PCSK2: variants seen among roughly 807,000 people sequenced by gnomAD.
The protein encoded by PCSK2 is proprotein convertase subtilisin/kexin type 2.
In PCSK2, 14 loss-of-function variants were observed where a neutral mutation model predicts 69.7. The ratio of observed to expected loss-of-function variants is 0.20; its 90% CI spans 0.13 to 0.31. The LOEUF (loss-of-function observed/expected upper bound fraction) is 0.31. Ranked by LOEUF, PCSK2 falls within the 10% of genes least tolerant of loss-of-function variation. PCSK2 has a pLI of 1.00. For synonymous variants in PCSK2, 307 were observed against 320.7 expected (o/e 0.96, Z 0.46); for missense variants, 544 against 842.5 (o/e 0.65, Z 4.39).
intron 10 of PCSK2, among the ~76,000 whole-genome samples, chr20:17,462,955 G>T (rs774223176): frequency 6.8e-4 from 103 of 152,178 alleles, no homozygotes; most frequent in Non-Finnish European, 3.2e-4. Flanking sequence ...ATTGTAGTCT[G>T]TCAATTCCTA....
chr20:17,305,978 C>A (rs1239912989), intron 2 of PCSK2, among the ~76,000 whole-genome samples: 1 of 152,178 alleles, frequency 6.6e-6, no homozygotes, highest in Non-Finnish European at 1.5e-5. Flanking sequence ...CTTTTCTTAG[C>A]CTGACATTTT....
chr20:17,238,169 G>A (rs888573622), intron 1 of PCSK2, among the ~76,000 whole-genome samples: 2 of 152,140 alleles, frequency 1.3e-5, no homozygotes, highest in East Asian at 1.9e-4. Flanking sequence ...ATGAAGTGGA[G>A]GTACCAAATA....
At chr20:17,473,250 T>A (rs2033236791) in intron 11 of PCSK2, among the ~76,000 whole-genome samples, 1 of 152,048 alleles carries the variant, frequency 6.6e-6, no homozygotes. Flanking sequence ...CACACCACCA[T>A]GCCTGACTAA....
At chr20:17,450,650 G>C (rs1236643614) in intron 8 of PCSK2, among the ~76,000 whole-genome samples, 2 of 152,256 alleles carry the variant, frequency 1.3e-5, no homozygotes, top group Admixed American at 6.5e-5. Flanking sequence ...TCTTGCAAAG[G>C]CTCACTCTCT....
chr20:17,327,011 C>G (rs907561803), intron 2 of PCSK2, among the ~76,000 whole-genome samples: 1 of 152,218 alleles, frequency 6.6e-6, no homozygotes, highest in African/African-American at 2.4e-5. Flanking sequence ...TCTCATCCTC[C>G]CCCTTCTTCT....
chr20:17,333,410 C>A (rs1043031744), intron 2 of PCSK2, among the ~76,000 whole-genome samples: 1 of 152,136 alleles, frequency 6.6e-6, no homozygotes, highest in Admixed American at 6.5e-5. Flanking sequence ...GAATCTCATG[C>A]TTCATGCTCT....
intron 5 of PCSK2, among the ~76,000 whole-genome samples, chr20:17,402,956 CA>C (rs1026767768): frequency 1.5e-3 from 199 of 135,860 alleles, no homozygotes; most frequent in African/African-American, 3.9e-3. Flanking sequence ...GACTCCGTCT[CA>C]AAAAAAAAAA....
At chr20:17,323,119 C>G (rs575992403) in intron 2 of PCSK2, among the ~76,000 whole-genome samples, 2 of 152,302 alleles carry the variant, frequency 1.3e-5, no homozygotes, top group African/African-American at 2.4e-5. Flanking sequence ...CCCACCTCAG[C>G]CTTCCAAAAT....
chr20:17,385,940 A>C (rs1010634225), intron 5 of PCSK2, among the ~76,000 whole-genome samples: 1 of 152,252 alleles, frequency 6.6e-6, no homozygotes, highest in East Asian at 1.9e-4. Context: ...ACAATTTCCT[A>C]TACTTCTAAG....
intron 1 of PCSK2, among the ~76,000 whole-genome samples, chr20:17,258,319 T>G (rs1245880126): frequency 6.6e-6 from 1 of 152,244 alleles, no homozygotes; most frequent in East Asian, 1.9e-4. Context: ...CCCTTCGGGT[T>G]GCTGCAAACC....
intron 8 of PCSK2, among the ~76,000 whole-genome samples, chr20:17,450,680 G>A (rs1471701576): frequency 6.6e-6 from 1 of 152,132 alleles, no homozygotes; most frequent in African/African-American, 2.4e-5. Context: ...ATGGTGCCTT[G>A]TTGCTGTATC....
At chr20:17,451,881 C>A (rs2032828866) in intron 8 of PCSK2, among the ~76,000 whole-genome samples, 3 of 151,484 alleles carry the variant, frequency 2.0e-5, no homozygotes. Context: ...ACCTCACTCA[C>A]CCATTTATTG....
chr20:17,373,388 G>A (rs2030831627), intron 5 of PCSK2, among the ~76,000 whole-genome samples: 1 of 152,150 alleles, frequency 6.6e-6, no homozygotes, highest in Admixed American at 6.5e-5. Flanking sequence ...TCAGTCATTG[G>A]TTGAGGGCTT....
intron 2 of PCSK2, among the ~76,000 whole-genome samples, chr20:17,270,943 G>A (rs1987841051): frequency 6.6e-6 from 1 of 152,056 alleles, no homozygotes; most frequent in South Asian, 2.1e-4. Flanking sequence ...CATGAGGAGT[G>A]TGGACTAGTT....
intron 7 of PCSK2, among the ~76,000 whole-genome samples, chr20:17,430,973 T>G (rs1371200959): frequency 6.6e-6 from 1 of 152,202 alleles, no homozygotes; most frequent in African/African-American, 2.4e-5. Context: ...TTTCCTCTTC[T>G]CTTATTATTT....
intron 1 of PCSK2, among the ~76,000 whole-genome samples, chr20:17,239,698 T>C (rs535892200): frequency 1.3e-5 from 2 of 151,488 alleles, no homozygotes; most frequent in African/African-American, 2.4e-5. Flanking sequence ...TCAACAAACA[T>C]ATACTGAGTA....
intron 2 of PCSK2, among the ~76,000 whole-genome samples, chr20:17,264,737 T>C (rs1299210127): frequency 1.4e-5 from 2 of 142,770 alleles, no homozygotes; most frequent in East Asian, 3.9e-4. Context: ...TTTGTGTGTA[T>C]TGTGGCCAAA....
intron 6 of PCSK2, among the ~76,000 whole-genome samples, chr20:17,422,476 G>C (rs1034590505): frequency 6.6e-6 from 1 of 152,046 alleles, no homozygotes; most frequent in African/African-American, 2.4e-5. Flanking sequence ...ACAATATAAA[G>C]ATATCATATC....
At chr20:17,288,896 A>G (rs556436593) in intron 2 of PCSK2, among the ~76,000 whole-genome samples, 1 of 152,230 alleles carries the variant, frequency 6.6e-6, no homozygotes, top group Non-Finnish European at 1.5e-5. Flanking sequence ...CTTCAATCTA[A>G]ATCAACTTGC....
Sources: allele counts gnomAD v4.1 joint callset (sites outside exome capture counted in the v4.1 genomes callset), GRCh38; gene constraint gnomAD v4.1.1; transcripts MANE v1.5; gene names NCBI Gene and HGNC (gene_info 2026-07-23, HGNC 2026-07-21).